The following PTPN6 variants were observed in gnomAD, a reference collection of about 807,000 sequenced individuals.
The protein encoded by PTPN6 is protein tyrosine phosphatase non-receptor type 6.
Under a neutral mutation model 81.5 loss-of-function variants are expected in PTPN6, and 18 were observed. The ratio of observed to expected loss-of-function variants is 0.22; its 90% CI spans 0.15 to 0.33. The LOEUF is 0.33. Among genes scored for constraint, PTPN6 ranks in the 10% least tolerant of loss-of-function variants. The probability of loss-of-function intolerance (pLI) is 1.00; values close to 1 mark genes in which losing one functional copy is unlikely to be tolerated. For synonymous variants in PTPN6, 301 were observed against 310.9 expected, an observed-to-expected ratio of 0.97 and a Z score of 0.33; for missense variants, 500 against 794.2, an observed-to-expected ratio of 0.63 and a Z score of 4.45.
chr12:6,951,299 C>T (rs923021186), upstream of PTPN6: 7 of 1,479,292 alleles, frequency 4.7e-6, no homozygotes, highest in Non-Finnish European at 4.5e-6. This position sits in a 1 kb window ranked among gnomAD's most constrained non-coding sequence, Gnocchi z 7.2. Flanking sequence ...CAAGTGAGTT[C>T]CCCCAAGGGG....
At position 6,951,937 on chromosome 12, in the gene PTPN6, G is replaced by A. The variant is rs1555147847; in HGVS notation, c.132-46G>A. The A allele has an allele frequency of 6.3e-7, 1 of 1,599,954 alleles. No individual in the cohort carries two copies. The highest frequency in any genetic ancestry group is 8.5e-7 in the Non-Finnish European group (1 of 1,169,636). The stretch of plus-strand genomic sequence containing the variant: ...GACCTCAGCCGATCCCTGCCCTCCT[G>A]CCTCTACTCCTGCACCGACTGGCCT... On this transcript the variant is annotated intron_variant, in intron 2 of 15. Coordinates refer to ENST00000318974, the MANE Select transcript of PTPN6 (RefSeq NM_002831.6). This position sits in a 1 kb window ranked among gnomAD's most constrained non-coding sequence, Gnocchi z 7.2.
chr12:6,946,752 C>T, upstream of PTPN6: 1 of 1,610,366 alleles, frequency 6.2e-7, no homozygotes, highest in Non-Finnish European at 8.5e-7. Flanking sequence ...AAGTCCCGGG[C>T]ACCATCGGGG....
In PTPN6 at chr12:6,951,965, C is replaced by T; in HGVS notation, c.132-18C>T. 6.2e-7 allele frequency: 1 copy of T among 1,613,284 alleles called. No homozygotes were observed. ...TCTACTCCTGCACCGACTGGCCTCA[C>T]CGCCTGGTGCCCTGCAGGGTGGGGG... On this transcript the variant is annotated intron_variant, in intron 2 of 15. Coordinates refer to ENST00000318974, the MANE Select transcript of PTPN6 (RefSeq NM_002831.6). This position sits in a 1 kb window ranked among gnomAD's most constrained non-coding sequence, Gnocchi z 7.2.
chr12:6,949,084 CA>C (rs1555147312), upstream of PTPN6, among the ~76,000 whole-genome samples: 1 of 152,124 alleles, frequency 6.6e-6, no homozygotes, highest in East Asian at 1.9e-4. Flanking sequence ...CACATCTTGT[CA>C]CTGTCGGCCC....
In PTPN6 at chr12:6,955,800, C is replaced by A. The variant is rs1291730176; in HGVS notation, c.844+44C>A. 1.0e-5 allele frequency: 16 copies of A among 1,544,956 alleles called. No individual in the cohort carries two copies. Among genetic ancestry groups the A allele is most frequent in the Non-Finnish European group, 1.3e-5 (15 of 1,118,142 alleles). ...CCATTCACCCAGGATACCGCCCCTG[C>A]CCCAGCTGCCTCCCCTCATCTCACA... On this transcript the variant is annotated intron_variant, in intron 7 of 15. Coordinates refer to ENST00000318974, the MANE Select transcript of PTPN6 (RefSeq NM_002831.6). This position sits in a 1 kb window ranked among gnomAD's most constrained non-coding sequence, Gnocchi z 7.2.
Position 6,957,515 on chromosome 12 carries a change from T to G in PTPN6, c.1075-139T>G. On this transcript the variant is annotated intron_variant, in intron 9 of 15. Coordinates refer to ENST00000318974, the MANE Select transcript of PTPN6 (RefSeq NM_002831.6). This position sits in a 1 kb window ranked among gnomAD's most constrained non-coding sequence, Gnocchi z 6.5. ...TTGATCTGAGACGAGAGCCCAGGTC[T>G]CCTGCCTCTCTGCCAGCCCATCCGT... 1 of 1,171,362 alleles carries G rather than the reference T, an allele frequency of 8.5e-7. No homozygotes were observed. The highest frequency in any genetic ancestry group is 2.7e-4 in the Middle Eastern group (1 of 3,656). The allele number at this position is 1,171,362 out of a possible 1,614,324, so 72.6% of individuals were successfully genotyped here.
At position 6,956,008 on chromosome 12, in the gene PTPN6, T is replaced by C; in HGVS notation, c.845-134T>C. The C allele has an allele frequency of 2.1e-6, 2 of 939,866 alleles. No homozygotes were observed. The highest frequency in any genetic ancestry group is 3.4e-6 in the Non-Finnish European group (2 of 591,410). 58.2% of individuals were successfully genotyped at this position (939,866 alleles called of 1,614,324 possible). A position where few individuals can be genotyped will look rare whatever the true frequency, so the allele number is the denominator to read the frequency against. ...CTCCATACAGATGATCCCCCACCCCTGCTGCCCACAGTCCCCCGCAAGCCT... is the reference window on the plus strand; with the variant it reads ...CTCCATACAGATGATCCCCCACCCCCGCTGCCCACAGTCCCCCGCAAGCCT... On this transcript the variant is annotated intron_variant, in intron 7 of 15. Transcript: ENST00000318974. This position sits in a 1 kb window ranked among gnomAD's most constrained non-coding sequence, Gnocchi z 4.1.
In PTPN6 at chr12:6,952,492, G is replaced by A; in HGVS notation, c.326+315G>A. ...GGCCACTGCTGGTGGCCAGCATGTC[G>A]TGCAGGCCAGCTCTGTTGTTAGAAA... On this transcript the variant is annotated intron_variant, in intron 3 of 15. Coordinates refer to ENST00000318974, the MANE Select transcript of PTPN6 (RefSeq NM_002831.6). The surrounding 1 kb of genome is among the most constrained non-coding windows in gnomAD (Gnocchi z 8.1). 2 of 476,630 alleles carry A rather than the reference G, an allele frequency of 4.2e-6. No homozygotes were observed. The allele number at this position is 476,630 out of a possible 1,614,324, so 29.5% of individuals were successfully genotyped here.
At chr12:6,947,441 G>A (rs1945844056), upstream of PTPN6, among the ~76,000 whole-genome samples, 1 of 152,236 alleles carries the variant, frequency 6.6e-6, no homozygotes, top group South Asian at 2.1e-4. Context: ...AGGCTGAGGC[G>A]AGAGGATTGC....
Position 6,952,120 on chromosome 12 carries a change from A to G in PTPN6, c.269A>G (p.Asp90Gly). The change falls in exon 3 of 16, where the codon GAC (aspartate) becomes GGC (glycine). Residue 90 changes from aspartate (D) to glycine (G), a missense_variant. Asp to Gly is a moderately conservative substitution (Grantham distance 94). Around this residue, in one of 6 missense-constraint regions of PTPN6, gnomAD observed 98 missense variants for 199.2 expected, o/e 0.49. Transcript: ENST00000318974. This position sits in a 1 kb window ranked among gnomAD's most constrained non-coding sequence, Gnocchi z 8.1. ...TQQQGVLQDRDGTIIHLKYPL... is the reference protein window; with the variant it reads ...TQQQGVLQDRGGTIIHLKYPL... The stretch of plus-strand genomic sequence containing the variant: ...CAGCAGGGTGTCCTGCAGGACCGCG[A>G]CGGCACCATCATCCACCTCAAGTAC... 6.2e-7 allele frequency: 1 copy of G among 1,613,964 alleles called. No individual in the cohort carries two copies. Among genetic ancestry groups the G allele is most frequent in the Non-Finnish European group, 8.5e-7 (1 of 1,179,966 alleles).
Position 6,960,307 on chromosome 12 carries a change from T to C in PTPN6, c.1582-37T>C. On this transcript the variant is annotated intron_variant, in intron 13 of 15. Coordinates refer to ENST00000318974, the MANE Select transcript of PTPN6 (RefSeq NM_002831.6). This position sits in a 1 kb window ranked among gnomAD's most constrained non-coding sequence, Gnocchi z 6.1. ...CAGGATGGGTGCCACCTGGCCCTGC[T>C]GGGACCACCACCTTCCCACTGTCCC... 6.2e-7 allele frequency: 1 copy of C among 1,610,426 alleles called. No individual in the cohort carries two copies. Among genetic ancestry groups the C allele is most frequent in the Non-Finnish European group, 8.5e-7 (1 of 1,179,120 alleles).
At chr12:6,946,890 G>A (rs1945830096), upstream of PTPN6, 1 of 871,354 alleles carries the variant, frequency 1.1e-6, no homozygotes. Context: ...TCCCCTTCCC[G>A]CAAGGTGTGA....
Position 6,952,189 on chromosome 12 carries a change from G to A in PTPN6, c.326+12G>A, listed in dbSNP as rs781847305. ...CCCACTAGTGAGAGGTGAGGGCTCC[G>A]CACCCCCGCCATTCCCAAGCAGGGA... On this transcript the variant is annotated intron_variant, in intron 3 of 15. Transcript: ENST00000318974. This position sits in a 1 kb window ranked among gnomAD's most constrained non-coding sequence, Gnocchi z 8.1. 38 of 1,609,708 alleles carry A rather than the reference G, an allele frequency of 2.4e-5. No homozygotes were observed. The highest frequency in any genetic ancestry group is 3.0e-5 in the Non-Finnish European group (35 of 1,178,508).
In PTPN6 at chr12:6,955,596, C is replaced by A. The variant is rs781886724; in HGVS notation, c.748-64C>A. 4 of 1,578,708 alleles carry A rather than the reference C, an allele frequency of 2.5e-6. No individual in the cohort carries two copies. ...CCACCTCTGCTCCTGACCCACCCCA[C>A]GTGAGCTCCCCCGATGGATGCCCTC... On this transcript the variant is annotated intron_variant, in intron 6 of 15. Transcript: ENST00000318974. The surrounding 1 kb of genome is among the most constrained non-coding windows in gnomAD (Gnocchi z 7.2).
Position 6,959,325 on chromosome 12 carries a change from G to A in PTPN6, c.1362-602G>A, listed in dbSNP as rs782326476. 30 of 157,572 alleles carry A rather than the reference G, an allele frequency of 1.9e-4. No homozygotes were observed. The highest frequency in any genetic ancestry group is 1.0e-3 in the Admixed American group (16 of 16,002). The allele number at this position is 157,572 out of a possible 1,614,324, so 9.8% of individuals were successfully genotyped here. On this transcript the variant is annotated intron_variant, in intron 11 of 15. Transcript: ENST00000318974. The surrounding 1 kb of genome is among the most constrained non-coding windows in gnomAD (Gnocchi z 6.6). ...CAATCTGGGTTTGAAATTAGACAGC[G>A]CGACTCAGGGCATCAGCTTGCTGGG...
chr12:6,952,049 G>A lies in PTPN6; in HGVS notation c.198G>A (p.Gly66=). ...NSGDFYDLYG[G]EKFATLTELV... ...GGGATTTCTATGACCTGTATGGAGGGGAGAAGTTTGCGACTCTGACAGAGC... is the reference window on the plus strand; with the variant it reads ...GGGATTTCTATGACCTGTATGGAGGAGAGAAGTTTGCGACTCTGACAGAGC... Residue 66 remains glycine (G), a synonymous_variant, in exon 3 of 16, where the codon GGG becomes GGA. Transcript: ENST00000318974. The surrounding 1 kb of genome is among the most constrained non-coding windows in gnomAD (Gnocchi z 8.1). The A allele has an allele frequency of 6.2e-7, 1 of 1,614,140 alleles. No individual in the cohort carries two copies. Among genetic ancestry groups the A allele is most frequent in the Middle Eastern group, 1.6e-4 (1 of 6,062 alleles).
chr12:6,946,697 T>G (rs2301262), upstream of PTPN6: 1 of 1,606,302 alleles, frequency 6.2e-7, no homozygotes, highest in South Asian at 1.1e-5. Context: ...TGCGGCCCTC[T>G]GCCGTGGCTT....
At position 6,956,042 on chromosome 12, in the gene PTPN6, C is replaced by T. The variant is rs1946024082; in HGVS notation, c.845-100C>T. The T allele has an allele frequency of 1.6e-6, 2 of 1,249,080 alleles. No homozygotes were observed. Among genetic ancestry groups the T allele is most frequent in the African/African-American group, 3.0e-5 (2 of 67,686 alleles). 77.4% of individuals were successfully genotyped at this position (1,249,080 alleles called of 1,614,324 possible). A position where few individuals can be genotyped will look rare whatever the true frequency, so the allele number is the denominator to read the frequency against. On this transcript the variant is annotated intron_variant, in intron 7 of 15. Coordinates refer to ENST00000318974, the MANE Select transcript of PTPN6 (RefSeq NM_002831.6). This position sits in a 1 kb window ranked among gnomAD's most constrained non-coding sequence, Gnocchi z 4.1. The stretch of plus-strand genomic sequence containing the variant: ...CAGTCCCCCGCAAGCCTCATGGCTT[C>T]TGAGACCAGAATGGCCTGTTAGCTC...
rs1383269336 is a variant in PTPN6, at chr12:6,955,321, TG to T, written c.634-50del. 6 of 1,605,866 alleles carry T rather than the reference TG, an allele frequency of 3.7e-6. No individual in the cohort carries two copies. The Admixed American group carries it at 1.0e-4, about 27-fold the overall frequency. On this transcript the variant is annotated intron_variant, in intron 5 of 15. Coordinates refer to ENST00000318974, the MANE Select transcript of PTPN6 (RefSeq NM_002831.6). The surrounding 1 kb of genome is among the most constrained non-coding windows in gnomAD (Gnocchi z 7.2). ...CTTCCCCTGAGCTGTCCCCCAGATG[TG>T]AGCTTCTGGGATCTCTGAGTTGCTG...
Sources: gnomAD v4.1 joint callset for allele counts (sites outside exome capture counted in the v4.1 genomes callset) on GRCh38, gnomAD v4.1.1 for gene constraint, gnomAD v4.1.1 regional missense constraint, Gnocchi (gnomAD v3.1) non-coding constraint, MANE v1.5 for transcripts, NCBI Gene and HGNC (gene_info 2026-07-23, HGNC 2026-07-21) for gene names.